PCBP3: variants seen among roughly 807,000 people sequenced by gnomAD.
PCBP3 encodes poly(rC)-binding protein 3.
A neutral mutation model predicts 52.7 loss-of-function variants in PCBP3; 25 were observed. That is an observed-to-expected ratio of 0.47 (90% CI 0.35 to 0.66). PCBP3 has a LOEUF of 0.66. Among genes scored for constraint, PCBP3 ranks in the 30% least tolerant of loss-of-function variants. The probability of loss-of-function intolerance (pLI) is 0.01; values close to 1 mark genes in which losing one functional copy is unlikely to be tolerated. For missense variants in PCBP3, 391 were observed against 490.3 expected, an observed-to-expected ratio of 0.80 and a Z score of 1.91; for synonymous variants, 162 against 183.0, an observed-to-expected ratio of 0.89 and a Z score of 0.93.
At chr21:45,889,829 T>C (rs889719216) in intron 5 of PCBP3, among the ~76,000 whole-genome samples, 2 of 152,268 alleles carry the variant, frequency 1.3e-5, no homozygotes, top group Non-Finnish European at 2.9e-5. Flanking sequence ...AGATTTCACC[T>C]GCAGCTTCTG....
intron 4 of PCBP3, among the ~76,000 whole-genome samples, chr21:45,759,275 A>G (rs1239142667): frequency 6.6e-6 from 1 of 152,206 alleles, no homozygotes; most frequent in African/African-American, 2.4e-5. Flanking sequence ...ATTTGCCATT[A>G]AAGCAATTTG....
chr21:45,883,500 C>T (rs957001694), intron 5 of PCBP3, among the ~76,000 whole-genome samples: 7 of 152,206 alleles, frequency 4.6e-5, no homozygotes, highest in African/African-American at 1.7e-4. Flanking sequence ...CTTCAGCTGT[C>T]GTTGTGGATT....
In PCBP3 at chr21:45,904,098, T is replaced by C. The variant is rs2096136512; in HGVS notation, c.339+2985T>C. ...GTCCTAAGGAGGATGTTTGGGAAGA[T>C]GTCATGGGAAGCAGCCGTAACCTAC... On this transcript the variant is annotated intron_variant, in intron 9 of 17. Transcript: ENST00000681687. This position sits in a 1 kb window ranked among gnomAD's most constrained non-coding sequence, Gnocchi z 4.8. 1.3e-5 allele frequency among the ~76,000 whole-genome samples: 2 copies of C among 152,096 alleles called. No homozygotes were observed. The highest frequency in any genetic ancestry group is 4.1e-4 in the South Asian group (2 of 4,820).
chr21:45,920,015 C>G (rs180748797), intron 13 of PCBP3, among the ~76,000 whole-genome samples: 2 of 151,832 alleles, frequency 1.3e-5, no homozygotes, highest in African/African-American at 4.8e-5. Context: ...TCACGCACAT[C>G]TAGAGATGCA....
At chr21:45,890,780 A>G (rs147425147) in intron 5 of PCBP3, among the ~76,000 whole-genome samples, 2,161 of 151,320 alleles carry the variant, frequency 0.014, 97 homozygotes, top group Admixed American at 0.087. Flanking sequence ...ATGGGAATGT[A>G]GATAATAGAA....
intron 4 of PCBP3, chr21:45,828,305 C>G (rs571767154): frequency 6.6e-6 from 1 of 152,312 alleles, no homozygotes; most frequent in African/African-American, 2.4e-5. Flanking sequence ...GAAGATGGCC[C>G]CAAAGTCTGG....
chr21:45,849,930 G>T lies in PCBP3; in HGVS notation c.-125-31G>T, dbSNP rs186849566. On this transcript the variant is annotated intron_variant, in intron 4 of 17. Transcript: ENST00000681687. ...TGGCGGAGAGGCCCTGCACTGGTGC[G>T]CTCACACAGCCCTGTGTTTTTGTGT... 1.0e-4 allele frequency: 73 copies of T among 700,400 alleles called. 1 individual carries two copies. In the African/African-American group the frequency reaches 1.1e-3, roughly 11 times the overall value. 43.4% of individuals were successfully genotyped at this position (700,400 alleles called of 1,614,324 possible). A position where few individuals can be genotyped will look rare whatever the true frequency, so the allele number is the denominator to read the frequency against.
At chr21:45,901,717 G>GAGAGATGAGAGAGAGAGAGAC (rs1556258497) in intron 9 of PCBP3, 1 of 127,502 alleles carries the variant, frequency 7.8e-6, no homozygotes, top group Non-Finnish European at 1.8e-5. Context: ...AAGACAGAGA[G>GAGAGATGAGAGAGAGAGAGAC]AGAGAGATGA....
chr21:45,772,438 A>G (rs917781765), intron 4 of PCBP3, among the ~76,000 whole-genome samples: 1 of 152,106 alleles, frequency 6.6e-6, no homozygotes, highest in East Asian at 1.9e-4. Flanking sequence ...GTGTATATAT[A>G]CTACATCTTC....
intron 4 of PCBP3, among the ~76,000 whole-genome samples, chr21:45,809,328 A>G (rs1057258699): frequency 2.0e-5 from 3 of 152,204 alleles, no homozygotes; most frequent in Non-Finnish European, 4.4e-5. Context: ...CGATGACTCT[A>G]TACATCAGGG....
Position 45,798,324 on chromosome 21 carries a change from T to A in PCBP3, c.-126+42872T>A, listed in dbSNP as rs572998245. On this transcript the variant is annotated intron_variant, in intron 4 of 17. Coordinates refer to ENST00000681687, the MANE Select transcript of PCBP3 (RefSeq NM_001384156.1). Reference sequence around the variant, plus strand: ...TCCATAGAGTGAATGTATGCGTACATGGATGAATGCATGGATCCATAGAGA... The same window carrying A: ...TCCATAGAGTGAATGTATGCGTACAAGGATGAATGCATGGATCCATAGAGA... 1.5e-3 allele frequency among the ~76,000 whole-genome samples: 225 copies of A among 150,762 alleles called. 1 individual carries two copies. The highest frequency in any genetic ancestry group is 4.9e-3 in the African/African-American group (200 of 40,600).
Position 45,805,318 on chromosome 21 carries a change from T to C in PCBP3, c.-125-44643T>C, listed in dbSNP as rs137987131. On this transcript the variant is annotated intron_variant, in intron 4 of 17. Transcript: ENST00000681687. This position sits in a 1 kb window ranked among gnomAD's most constrained non-coding sequence, Gnocchi z 4.6. ...AGCTGAAAACCCCCCAGGTGGTGTC[T>C]GGGGGGGAAAGTAATTGGAAGATTA... Among the ~76,000 whole-genome samples the C allele has an allele frequency of 1.1e-4, 16 of 151,992 alleles. 1 individual carries two copies. Among genetic ancestry groups the C allele is most frequent in the African/African-American group, 3.9e-4 (16 of 41,478 alleles).
At chr21:45,905,027 C>A (rs1298052495) in intron 9 of PCBP3, among the ~76,000 whole-genome samples, 1 of 152,206 alleles carries the variant, frequency 6.6e-6, no homozygotes, top group Non-Finnish European at 1.5e-5. Flanking sequence ...TCATCTGGTA[C>A]CACAGCCAGC....
chr21:45,653,846 G>GA (rs1382480395), intron 1 of PCBP3, among the ~76,000 whole-genome samples: 1 of 151,386 alleles, frequency 6.6e-6, no homozygotes, highest in Non-Finnish European at 1.5e-5. Context: ...GTGATTTTTT[G>GA]AAAAAATCAT....
intron 4 of PCBP3, among the ~76,000 whole-genome samples, chr21:45,846,817 T>C (rs891273696): frequency 6.6e-6 from 1 of 152,234 alleles, no homozygotes; most frequent in African/African-American, 2.4e-5. Context: ...CAATCCCTGC[T>C]CTTCAGCCTG....
At chr21:45,680,018 T>C (rs925195118) in intron 2 of PCBP3, among the ~76,000 whole-genome samples, 5 of 152,246 alleles carry the variant, frequency 3.3e-5, no homozygotes, top group African/African-American at 1.2e-4. Flanking sequence ...TCCAAAATCA[T>C]TTGGGCACCT....
chr21:45,691,616 G>A (rs1024341592), intron 2 of PCBP3, among the ~76,000 whole-genome samples: 1 of 151,748 alleles, frequency 6.6e-6, no homozygotes, highest in African/African-American at 2.4e-5. Context: ...AATGGAACAA[G>A]TGGATTTATA....
At chr21:45,884,656 G>C (rs1204903008) in intron 5 of PCBP3, among the ~76,000 whole-genome samples, 1 of 152,066 alleles carries the variant, frequency 6.6e-6, no homozygotes. Context: ...GACTAACCAG[G>C]CTCCAGCCGT....
chr21:45,899,005 C>T (rs1352053782), intron 6 of PCBP3, among the ~76,000 whole-genome samples: 3 of 147,596 alleles, frequency 2.0e-5, no homozygotes, highest in African/African-American at 7.7e-5. Flanking sequence ...GCTGGCCCCG[C>T]TTCAGGTGAC....
Sources: gnomAD v4.1 joint callset for allele counts (sites outside exome capture counted in the v4.1 genomes callset) on GRCh38, gnomAD v4.1.1 for gene constraint, Gnocchi (gnomAD v3.1) non-coding constraint, MANE v1.5 for transcripts, NCBI Gene and HGNC (gene_info 2026-07-23, HGNC 2026-07-21) for gene names.